RSPO3: variants seen among roughly 807,000 people sequenced by gnomAD.
The protein encoded by RSPO3 is R-spondin-3.
In RSPO3, 17 loss-of-function variants were observed where a neutral mutation model predicts 36.5. The ratio of observed to expected loss-of-function variants is 0.47; its 90% CI spans 0.32 to 0.70. The LOEUF is 0.70. RSPO3 is among the 30% of genes least tolerant of loss of function. The probability of loss-of-function intolerance (pLI) is 0.04; values close to 1 mark genes in which losing one functional copy is unlikely to be tolerated. For synonymous variants in RSPO3, 108 were observed against 107.0 expected (o/e 1.01, Z -0.06); for missense variants, 294 against 322.5 (o/e 0.91, Z 0.68).
At chr6:127,133,618 C>T (rs1774098151) in intron 1 of RSPO3, among the ~76,000 whole-genome samples, 1 of 151,550 alleles carries the variant, frequency 6.6e-6, no homozygotes, top group Admixed American at 6.6e-5. Flanking sequence ...TAGATAGTTG[C>T]CCGTCCAAAT....
At chr6:127,134,643 A>C (rs1774117563) in intron 1 of RSPO3, among the ~76,000 whole-genome samples, 1 of 152,206 alleles carries the variant, frequency 6.6e-6, no homozygotes, top group Admixed American at 6.5e-5. Context: ...CAGTTGCCAA[A>C]ATTCAGAGTC....
chr6:127,180,489 A>G (rs1417665630), intron 4 of RSPO3, among the ~76,000 whole-genome samples: 1 of 43,598 alleles, frequency 2.3e-5, no homozygotes. Flanking sequence ...GAAGAAAACA[A>G]AAAAAAAAAA....
intron 1 of RSPO3, among the ~76,000 whole-genome samples, chr6:127,133,394 A>G (rs1232299965): frequency 1.3e-5 from 2 of 152,104 alleles, no homozygotes; most frequent in Non-Finnish European, 2.9e-5. Context: ...AGTGAGAAAA[A>G]TCCCACCTTA....
intron 1 of RSPO3, chr6:127,119,688 A>G (rs1451229527): frequency 2.3e-5 from 4 of 172,050 alleles, no homozygotes; most frequent in Non-Finnish European, 1.2e-5. Flanking sequence ...TGAGTAAATG[A>G]CAAGGGAGGC....
intron 4 of RSPO3, among the ~76,000 whole-genome samples, chr6:127,162,973 G>A (rs981902879): frequency 5.3e-5 from 8 of 152,070 alleles, no homozygotes; most frequent in African/African-American, 1.7e-4. Flanking sequence ...TAGGGTTAAA[G>A]GTACAGCTTG....
At chr6:127,150,634 CAA>C in intron 3 of RSPO3, 62 bp downstream of exon 3, 10 of 1,507,512 alleles carry the variant, frequency 6.6e-6, no homozygotes, top group Non-Finnish European at 9.0e-6. Flanking sequence ...AGGTGCTTTT[CAA>C]AGTCCTTTGC....
At chr6:127,163,776 C>T (rs1319697684) in intron 4 of RSPO3, among the ~76,000 whole-genome samples, 1 of 152,086 alleles carries the variant, frequency 6.6e-6, no homozygotes, top group African/African-American at 2.4e-5. Context: ...TCCTTTTTCA[C>T]CAAGCTCACT....
intron 4 of RSPO3, among the ~76,000 whole-genome samples, chr6:127,175,090 C>T (rs574357521): frequency 6.6e-6 from 1 of 151,856 alleles, no homozygotes; most frequent in Non-Finnish European, 1.5e-5. Context: ...ACGTGATTTT[C>T]CCCAGCTTAT....
rs879238375 is a variant in RSPO3, at chr6:127,197,614, C to T, written c.*1607C>T. 31 of 1,453,246 alleles carry T rather than the reference C, an allele frequency of 2.1e-5. 1 individual carries two copies. Among genetic ancestry groups the T allele is most frequent in the South Asian group, 1.9e-4 (14 of 72,058 alleles). 90.0% of individuals were successfully genotyped at this position (1,453,246 alleles called of 1,614,324 possible). On this transcript the variant is annotated 3_prime_UTR_variant, in exon 5 of 5. Coordinates refer to ENST00000356698, the MANE Select transcript of RSPO3 (RefSeq NM_032784.5). ...ATTCCTAGCCCTCTCAAGATCACTG[C>T]TTTCTGAAGAATTTGCAATGACTCT...
rs73771608 is a variant in RSPO3 at position 127,175,449 on chromosome 6, C to G, written c.634+20011C>G. Among the ~76,000 whole-genome samples, 702 of 151,832 alleles carry G rather than the reference C, an allele frequency of 4.6e-3. 5 individuals carry two copies. The highest frequency in any genetic ancestry group is 0.016 in the African/African-American group (656 of 41,486). ...TCTTCAGTGGTGGCATATGGTTAAT[C>G]TACCACCACCAAGTGGAAATTGGGT... On this transcript the variant is annotated intron_variant, in intron 4 of 4. Transcript: ENST00000356698.
intron 4 of RSPO3, among the ~76,000 whole-genome samples, chr6:127,180,183 G>A (rs926188198): frequency 3.3e-5 from 5 of 151,822 alleles, no homozygotes; most frequent in Non-Finnish European, 7.4e-5. Context: ...AAGAGAAGGA[G>A]AGGAACTTTC....
At chr6:127,191,802 G>A (rs1415638146) in intron 4 of RSPO3, among the ~76,000 whole-genome samples, 1 of 152,202 alleles carries the variant, frequency 6.6e-6, no homozygotes, top group Non-Finnish European at 1.5e-5. Flanking sequence ...ACTCTGGCCT[G>A]CTATCTGAAT....
intron 1 of RSPO3, among the ~76,000 whole-genome samples, chr6:127,147,567 G>C (rs1037817511): frequency 6.6e-6 from 1 of 152,088 alleles, no homozygotes; most frequent in Non-Finnish European, 1.5e-5. Flanking sequence ...AGCTATATGA[G>C]AAACATCCGT....
chr6:127,149,263 G>A (rs1467333559), intron 2 of RSPO3, among the ~76,000 whole-genome samples: 1 of 152,052 alleles, frequency 6.6e-6, no homozygotes, highest in African/African-American at 2.4e-5. Context: ...TGGGAGTACT[G>A]TCATCTGGAA....
At chr6:127,119,854 G>A (rs1391331463) in intron 1 of RSPO3, 2 of 152,366 alleles carry the variant, frequency 1.3e-5, no homozygotes, top group Non-Finnish European at 2.9e-5. Context: ...CGCACCAGCG[G>A]AGCCAAAGGG....
At chr6:127,191,467 A>G (rs772466774) in intron 4 of RSPO3, among the ~76,000 whole-genome samples, 2 of 152,178 alleles carry the variant, frequency 1.3e-5, no homozygotes, top group African/African-American at 4.8e-5. Flanking sequence ...GTTTTGGAAC[A>G]TTGTCTGCAG....
intron 1 of RSPO3, among the ~76,000 whole-genome samples, chr6:127,132,753 T>C (rs1774083389): frequency 6.6e-6 from 1 of 152,116 alleles, no homozygotes; most frequent in Non-Finnish European, 1.5e-5. Flanking sequence ...AGCAAACCAG[T>C]GTTCCCTTTC....
intron 1 of RSPO3, among the ~76,000 whole-genome samples, chr6:127,139,942 A>T (rs963601934): frequency 7.0e-6 from 1 of 143,046 alleles, no homozygotes; most frequent in Non-Finnish European, 1.5e-5. Flanking sequence ...GCGATTAGGA[A>T]AAAAAAACAC....
intron 4 of RSPO3, among the ~76,000 whole-genome samples, chr6:127,175,356 C>A (rs1267384135): frequency 6.6e-6 from 1 of 151,486 alleles, no homozygotes; most frequent in Non-Finnish European, 1.5e-5. Flanking sequence ...ATATTGAAAA[C>A]CAGTAAGTAA....
Sources: gnomAD v4.1 joint callset for allele counts (sites outside exome capture counted in the v4.1 genomes callset) on GRCh38, gnomAD v4.1.1 for gene constraint, MANE v1.5 for transcripts, NCBI Gene and HGNC (gene_info 2026-07-23, HGNC 2026-07-21) for gene names.